The following FAM3B variants were observed in gnomAD, a reference collection of about 807,000 sequenced individuals.
The protein encoded by FAM3B is protein FAM3B.
Under a neutral mutation model 28.4 loss-of-function variants are expected in FAM3B, and 29 were observed. The observed-to-expected ratio is 1.02, with a 90% CI of 0.76 to 1.39. FAM3B has a LOEUF of 1.39. Among genes scored for constraint, FAM3B ranks in the 40% most tolerant of loss-of-function variants. FAM3B has a pLI of 0.00. For missense variants in FAM3B, 266 were observed against 293.9 expected, an observed-to-expected ratio of 0.91 and a Z score of 0.69; for synonymous variants, 91 against 103.0, an observed-to-expected ratio of 0.88 and a Z score of 0.71.
chr21:41,305,177 C>T (rs1264998841), intron 1 of FAM3B, among the ~76,000 whole-genome samples: 1 of 152,150 alleles, frequency 6.6e-6, no homozygotes, highest in Admixed American at 6.5e-5. Context: ...GGTCTGCAGG[C>T]TGAATGAGAG....
upstream of FAM3B, among the ~76,000 whole-genome samples, chr21:41,314,151 A>G (rs1391643735): frequency 2.0e-5 from 3 of 152,190 alleles, no homozygotes; most frequent in Non-Finnish European, 4.4e-5. Flanking sequence ...GTGCCCTTCT[A>G]AGAAGAAACA....
chr21:41,348,242 TG>T (rs2089082056), intron 6 of FAM3B, among the ~76,000 whole-genome samples: 1 of 152,204 alleles, frequency 6.6e-6, no homozygotes, highest in Non-Finnish European at 1.5e-5. Flanking sequence ...CACCTTATTT[TG>T]TGGTCACTAA....
chr21:41,305,731 C>T (rs749387973), intron 1 of FAM3B, among the ~76,000 whole-genome samples: 1 of 152,192 alleles, frequency 6.6e-6, no homozygotes, highest in African/African-American at 2.4e-5. Flanking sequence ...AAAGTGCCAA[C>T]GTTCATCTGA....
Position 41,346,924 on chromosome 21 carries a change from A to C in FAM3B, c.398-89A>C, listed in dbSNP as rs1601371560. On this transcript the variant is annotated intron_variant, in intron 5 of 7. Transcript: ENST00000357985. ...ACCCCCAAGGATTCAGAATGGACACAGAATGCAGGTGCAGGAGGAAGCCCA... is the reference window on the plus strand; with the variant it reads ...ACCCCCAAGGATTCAGAATGGACACCGAATGCAGGTGCAGGAGGAAGCCCA... The C allele has an allele frequency of 4.2e-5, 48 of 1,130,188 alleles. No homozygotes were observed. In the East Asian group the frequency reaches 1.1e-3, roughly 27 times the overall value. The allele number at this position is 1,130,188 out of a possible 1,614,324, so 70.0% of individuals were successfully genotyped here. A position where few individuals can be genotyped will look rare whatever the true frequency, so the allele number is the denominator to read the frequency against.
At chr21:41,323,968 G>A (rs1379286440) in intron 2 of FAM3B, among the ~76,000 whole-genome samples, 15 of 152,148 alleles carry the variant, frequency 9.9e-5, no homozygotes, top group African/African-American at 2.9e-4. Context: ...CAAGGTACCC[G>A]CAGATTTCAT....
At position 41,316,830 on chromosome 21, in the gene FAM3B, G is replaced by T. The variant is rs1033175641; in HGVS notation, c.-50G>T. ...CTGACCCAGGGGCTCCGCTGGCTGC[G>T]GTCGCCTGGGAGCTGCCGCCAGGGC... On this transcript the variant is annotated 5_prime_UTR_variant, in exon 1 of 8. Transcript: ENST00000357985. 5 of 1,427,790 alleles carry T rather than the reference G, an allele frequency of 3.5e-6. No homozygotes were observed. The African/African-American group carries it at 7.4e-5, about 21-fold the overall frequency. 88.4% of individuals were successfully genotyped at this position (1,427,790 alleles called of 1,614,324 possible). A position where few individuals can be genotyped will look rare whatever the true frequency, so the allele number is the denominator to read the frequency against.
Position 41,322,979 on chromosome 21 carries a change from T to G in FAM3B, c.76T>G (p.Tyr26Asp). Residue 26 changes from tyrosine (Y) to aspartate (D), a missense_variant, in exon 2 of 8, where the codon TAC (tyrosine) becomes GAC (aspartate). Physicochemically the swap from Tyr to Asp is radical, Grantham distance 160. Coordinates refer to ENST00000357985, the MANE Select transcript of FAM3B (RefSeq NM_058186.4). ...CTCCTTGTGTGCCTGGTATTCGGGG[T>G]ACCTGCTCGCAGAGCTCATTCCAGA... The part of the protein sequence containing the change: ...FASLCAWYSG[Y>D]LLAELIPDAP... The G allele has an allele frequency of 6.2e-7, 1 of 1,612,628 alleles. No individual in the cohort carries two copies. Among genetic ancestry groups the G allele is most frequent in the Non-Finnish European group, 8.5e-7 (1 of 1,180,028 alleles).
In FAM3B at chr21:41,326,805, G is replaced by A. The variant is rs1302935790; in HGVS notation, c.163+3739G>A. Reference sequence around the variant, plus strand: ...CTGTGTACCCTGAGCCCCAGCCCCTGAGGCAGGAGGAGGAACAGGAACAAG... The same window carrying A: ...CTGTGTACCCTGAGCCCCAGCCCCTAAGGCAGGAGGAGGAACAGGAACAAG... On this transcript the variant is annotated intron_variant, in intron 2 of 7. Transcript: ENST00000357985. This position sits in a 1 kb window ranked among gnomAD's most constrained non-coding sequence, Gnocchi z 4.0. Among the ~76,000 whole-genome samples the A allele has an allele frequency of 6.6e-6, 1 of 152,248 alleles. No homozygotes were observed. The highest frequency in any genetic ancestry group is 1.5e-5 in the Non-Finnish European group (1 of 68,036).
chr21:41,344,449 C>G (rs1226389092), intron 3 of FAM3B, 27 bp from the exon 4 acceptor site: 1 of 1,611,710 alleles, frequency 6.2e-7, no homozygotes, highest in Non-Finnish European at 8.5e-7. Context: ...CCTCTTGGTA[C>G]TTGACTAATG....
chr21:41,326,271 G>A lies in FAM3B; in HGVS notation c.163+3205G>A, dbSNP rs2088854066. On this transcript the variant is annotated intron_variant, in intron 2 of 7. Transcript: ENST00000357985. This position sits in a 1 kb window ranked among gnomAD's most constrained non-coding sequence, Gnocchi z 4.0. Reference sequence around the variant, plus strand: ...ACCCTCCAATCCCACACTGAGTTAGGAACATGGTCTTCTTTCTTCATTCAC... The same window carrying A: ...ACCCTCCAATCCCACACTGAGTTAGAAACATGGTCTTCTTTCTTCATTCAC... Among the ~76,000 whole-genome samples the A allele has an allele frequency of 6.6e-6, 1 of 152,204 alleles. No individual in the cohort carries two copies. Among genetic ancestry groups the A allele is most frequent in the Non-Finnish European group, 1.5e-5 (1 of 68,040 alleles).
At chr21:41,342,670 G>T (rs2089018443) in intron 3 of FAM3B, among the ~76,000 whole-genome samples, 1 of 152,030 alleles carries the variant, frequency 6.6e-6, no homozygotes, top group Admixed American at 6.5e-5. Flanking sequence ...ATTCATTCTG[G>T]TTCTTTTTAA....
intron 6 of FAM3B, 112 bp from the exon 7 acceptor site, chr21:41,348,480 T>A: frequency 8.3e-7 from 1 of 1,203,310 alleles, no homozygotes; most frequent in South Asian, 1.4e-5. Context: ...AGGAGATGAA[T>A]GTGTTTAGAA....
intron 1 of FAM3B, among the ~76,000 whole-genome samples, chr21:41,307,939 G>T (rs567768747): frequency 1.3e-5 from 2 of 152,132 alleles, no homozygotes; most frequent in Non-Finnish European, 2.9e-5. Flanking sequence ...GAAACAAATG[G>T]CAGCAGTAGA....
rs188681816 is a variant in FAM3B at position 41,350,935 on chromosome 21, C to T, written c.618+2211C>T. Among the ~76,000 whole-genome samples, 885 of 152,312 alleles carry T rather than the reference C, an allele frequency of 5.8e-3. 5 individuals are homozygous for T. Among genetic ancestry groups the T allele is most frequent in the Middle Eastern group, 0.017 (5 of 292 alleles). ...CAGCTTATTTAACTAGCAAGGGCGG[C>T]GGTGAGCAGGTACTCCTGGCAGCCC... On this transcript the variant is annotated intron_variant, in intron 7 of 7. Transcript: ENST00000357985.
chr21:41,324,095 C>T (rs796850366), intron 2 of FAM3B, among the ~76,000 whole-genome samples: 1 of 152,052 alleles, frequency 6.6e-6, no homozygotes, highest in Non-Finnish European at 1.5e-5. Context: ...TGCCAAAGGC[C>T]CCACCTCCTA....
chr21:41,320,221 G>T (rs904133997), intron 1 of FAM3B: 6 of 152,156 alleles, frequency 3.9e-5, no homozygotes, highest in Non-Finnish European at 7.3e-5. Context: ...CAATCCTCCT[G>T]CCTCAGCCTC....
chr21:41,355,523 A>G (rs1280450123), intron 7 of FAM3B, among the ~76,000 whole-genome samples: 1 of 152,004 alleles, frequency 6.6e-6, no homozygotes, highest in Non-Finnish European at 1.5e-5. Context: ...GATACATGCT[A>G]CAATATGGAT....
At chr21:41,325,148 G>T (rs1404689195) in intron 2 of FAM3B, among the ~76,000 whole-genome samples, 1 of 152,114 alleles carries the variant, frequency 6.6e-6, no homozygotes, top group Non-Finnish European at 1.5e-5. Context: ...TATGCATTTG[G>T]AATACAACTC....
At chr21:41,330,445 A>C (rs973040721) in intron 2 of FAM3B, among the ~76,000 whole-genome samples, 1 of 152,236 alleles carries the variant, frequency 6.6e-6, no homozygotes, top group African/African-American at 2.4e-5. Flanking sequence ...GCATCTTGGA[A>C]TGTACCCCTT....
Sources: gnomAD v4.1 joint callset for allele counts (sites outside exome capture counted in the v4.1 genomes callset) on GRCh38, gnomAD v4.1.1 for gene constraint, Gnocchi (gnomAD v3.1) non-coding constraint, MANE v1.5 for transcripts, NCBI Gene and HGNC (gene_info 2026-07-23, HGNC 2026-07-21) for gene names.